The following NPY5R variants were observed in gnomAD, a reference collection of about 807,000 sequenced individuals.
The protein encoded by NPY5R is neuropeptide Y receptor type 5.
A neutral mutation model predicts 24.8 loss-of-function variants in NPY5R; 21 were observed. The ratio of observed to expected loss-of-function variants is 0.85; its 90% confidence interval spans 0.60 to 1.22. NPY5R has a LOEUF of 1.22. NPY5R is among the 50% of genes most tolerant of loss of function. The probability of loss-of-function intolerance (pLI) is 0.00; values close to 1 mark genes in which losing one functional copy is unlikely to be tolerated. For synonymous variants in NPY5R, 175 were observed against 183.0 expected, an observed-to-expected ratio of 0.96 and a Z score of 0.35; for missense variants, 481 against 521.3, an observed-to-expected ratio of 0.92 and a Z score of 0.75.
In NPY5R at chr4:163,344,011, C is replaced by A. The variant is rs904169165; in HGVS notation, c.-121+11C>A. ...CCGGGGCGCCCCGAGGTACGGGCTCCCGCCCCTCCCTGCCAACCCCTTTCG... is the reference window on the plus strand; with the variant it reads ...CCGGGGCGCCCCGAGGTACGGGCTCACGCCCCTCCCTGCCAACCCCTTTCG... On this transcript the variant is annotated intron_variant, in intron 1 of 3. Coordinates refer to ENST00000338566, the MANE Select transcript of NPY5R (RefSeq NM_006174.4). 1.3e-5 allele frequency: 2 copies of A among 152,650 alleles called. No individual in the cohort carries two copies. Among genetic ancestry groups the A allele is most frequent in the East Asian group, 2.0e-4 (1 of 5,120 alleles). 9.5% of individuals were successfully genotyped at this position (152,650 alleles called of 1,614,324 possible). A position where few individuals can be genotyped will look rare whatever the true frequency, so the allele number is the denominator to read the frequency against.
chr4:163,352,182 T>C (rs574275762), downstream of NPY5R, among the ~76,000 whole-genome samples: 372 of 152,258 alleles, frequency 2.4e-3, 2 homozygotes, highest in African/African-American at 8.5e-3. Context: ...TGTAGGAAAA[T>C]GCTATTGCCT....
In NPY5R at chr4:163,350,370, T is replaced by C. The variant is rs1336242896; in HGVS notation, c.97T>C (p.Tyr33His). ...TTCTGATTTCCCAGTCTGGGATGACTATAAAAGCAGTGTAGATGACTTACA... is the reference window on the plus strand; with the variant it reads ...TTCTGATTTCCCAGTCTGGGATGACCATAAAAGCAGTGTAGATGACTTACA... Reference protein sequence around the residue: ...RNSDFPVWDDYKSSVDDLQYF... With the variant: ...RNSDFPVWDDHKSSVDDLQYF... The change falls in exon 4 of 4, where the codon TAT (tyrosine) becomes CAT (histidine). Residue 33 changes from tyrosine (Y) to histidine (H), a missense_variant. Physicochemically the swap from Tyr to His is moderately conservative, Grantham distance 83. Transcript: ENST00000338566. 13 of 1,613,550 alleles carry C rather than the reference T, an allele frequency of 8.1e-6. No individual in the cohort carries two copies. Among genetic ancestry groups the C allele is most frequent in the Non-Finnish European group, 1.1e-5 (13 of 1,179,582 alleles).
Position 163,351,411 on chromosome 4 carries a change from A to G in NPY5R, c.1138A>G (p.Ser380Gly). The change falls in exon 4 of 4, where the codon AGT (serine) becomes GGT (glycine). Residue 380 changes from serine to glycine, a missense_variant. Coordinates refer to ENST00000338566, the MANE Select transcript of NPY5R (RefSeq NM_006174.4). ...LTILILVFAVSWMPLHLFHVV... is the reference protein window; with the variant it reads ...LTILILVFAVGWMPLHLFHVV... ...CATACTGATATTAGTATTTGCTGTT[A>G]GTTGGATGCCACTACACCTTTTCCA... The G allele has an allele frequency of 6.2e-7, 1 of 1,612,568 alleles. No individual in the cohort carries two copies. The highest frequency in any genetic ancestry group is 8.5e-7 in the Non-Finnish European group (1 of 1,178,748).
rs1735432540 is a variant in NPY5R at position 163,350,296 on chromosome 4, A to G, written c.23A>G (p.Tyr8Cys). 5 of 1,583,396 alleles carry G rather than the reference A, an allele frequency of 3.2e-6. No homozygotes were observed. The highest frequency in any genetic ancestry group is 8.6e-7 in the Non-Finnish European group (1 of 1,162,824). MDLELDEYYNKTLATENN... is the reference protein window; with the variant it reads MDLELDECYNKTLATENN... ...AATATGGATTTAGAGCTCGACGAGT[A>G]TTATAACAAGACACTTGCCACAGAG... is the stretch of plus-strand genomic sequence containing the variant. The change falls in exon 4 of 4, where the codon TAT becomes TGT. Residue 8 changes from tyrosine (Y) to cysteine (C), a missense_variant. Tyr to Cys is a radical substitution (Grantham distance 194, BLOSUM62 -2). Coordinates refer to ENST00000338566, the MANE Select transcript of NPY5R (RefSeq NM_006174.4).
intron 3 of NPY5R, among the ~76,000 whole-genome samples, chr4:163,348,908 C>A (rs914874386): frequency 6.6e-6 from 1 of 152,136 alleles, no homozygotes; most frequent in Non-Finnish European, 1.5e-5. Context: ...TTTCCTTGAA[C>A]AATGAATTCA....
At chr4:163,348,308 A>T (rs1278123562) in intron 3 of NPY5R, among the ~76,000 whole-genome samples, 1 of 152,164 alleles carries the variant, frequency 6.6e-6, no homozygotes, top group East Asian at 1.9e-4. Flanking sequence ...TGTTTTCTGT[A>T]GGAAATTCTT....
chr4:163,344,945 A>G (rs1326962925), intron 1 of NPY5R: 1 of 152,178 alleles, frequency 6.6e-6, no homozygotes, highest in Non-Finnish European at 1.5e-5. Context: ...TTATCTTTCC[A>G]ATTCAAATTG....
chr4:163,346,066 G>T (rs1449325233), intron 2 of NPY5R, among the ~76,000 whole-genome samples: 3 of 152,036 alleles, frequency 2.0e-5, no homozygotes, highest in Non-Finnish European at 4.4e-5. Flanking sequence ...ATGTGTGTAT[G>T]TTTATGTGGT....
chr4:163,345,977 C>T (rs4632602), intron 2 of NPY5R, among the ~76,000 whole-genome samples: 123,530 of 145,928 alleles, frequency 0.85, 52,359 homozygotes, highest in Admixed American at 0.91. Context: ...ATTATTTAGT[C>T]GTAAGAAGAA....
chr4:163,348,941 T>C (rs1361931020), intron 3 of NPY5R, among the ~76,000 whole-genome samples: 1 of 152,158 alleles, frequency 6.6e-6, no homozygotes, highest in Non-Finnish European at 1.5e-5. Flanking sequence ...TAAGCCAAAA[T>C]CTATACACAG....
chr4:163,349,243 T>C, intron 3 of NPY5R: 1 of 437,192 alleles, frequency 2.3e-6, no homozygotes, highest in Non-Finnish European at 3.0e-6. Flanking sequence ...TATTTGTTAC[T>C]AGAGTTTTGT....
In NPY5R at chr4:163,350,474, G is replaced by C; in HGVS notation, c.201G>C (p.Met67Ile). 2 of 1,614,006 alleles carry C rather than the reference G, an allele frequency of 1.2e-6. No individual in the cohort carries two copies. The highest frequency in any genetic ancestry group is 2.2e-5 in the South Asian group (2 of 91,068). ...MGNLLILMAL[M>I]KKRNQKTTVN... The stretch of plus-strand genomic sequence containing the variant: ...ATCTACTTATTTTAATGGCTCTCAT[G>C]AAAAAGCGTAATCAGAAGACTACGG... Residue 67 changes from methionine (M) to isoleucine (I), a missense_variant, in exon 4 of 4, where the codon ATG (methionine) becomes ATC (isoleucine). Coordinates refer to ENST00000338566, the MANE Select transcript of NPY5R (RefSeq NM_006174.4).
At chr4:163,352,262 A>G (rs1735522724), downstream of NPY5R, among the ~76,000 whole-genome samples, 1 of 152,196 alleles carries the variant, frequency 6.6e-6, no homozygotes, top group Admixed American at 6.5e-5. Flanking sequence ...TACCAAATAA[A>G]GAATTTTAAA....
chr4:163,348,118 GTGT>G (rs1735326197), intron 3 of NPY5R, among the ~76,000 whole-genome samples: 3 of 152,118 alleles, frequency 2.0e-5, no homozygotes, highest in Non-Finnish European at 1.5e-5. Flanking sequence ...AAAGATAACA[GTGT>G]TTACTATTAA....
At chr4:163,346,337 G>A (rs1735248875) in intron 2 of NPY5R, among the ~76,000 whole-genome samples, 1 of 152,072 alleles carries the variant, frequency 6.6e-6, no homozygotes, top group South Asian at 2.1e-4. Context: ...CCAATTTGGG[G>A]CCTTTTATAT....
chr4:163,347,418 G>A (rs1337868723), intron 2 of NPY5R, 34 bp from the exon 3 acceptor site: 2 of 152,220 alleles, frequency 1.3e-5, no homozygotes, highest in East Asian at 3.8e-4. Context: ...CGTTGTAGAA[G>A]GGGCCATCTA....
Position 163,350,246 on chromosome 4 carries a change from G to T in NPY5R, c.-9-19G>T. 1 of 1,509,308 alleles carries T rather than the reference G, an allele frequency of 6.6e-7. No homozygotes were observed. The allele number at this position is 1,509,308 out of a possible 1,614,324, so 93.5% of individuals were successfully genotyped here. ...AATGTTTTTTTGGTTGCTGACAAAT[G>T]TCTTTTTATTCCAAGCAGGACTATA... On this transcript the variant is annotated intron_variant, in intron 3 of 3. Coordinates refer to ENST00000338566, the MANE Select transcript of NPY5R (RefSeq NM_006174.4).
At chr4:163,346,411 T>C (rs138209008) in intron 2 of NPY5R, among the ~76,000 whole-genome samples, 3 of 152,298 alleles carry the variant, frequency 2.0e-5, no homozygotes, top group South Asian at 2.1e-4. Context: ...ATTCTTGGCA[T>C]AGCACCTTGC....
At position 163,345,910 on chromosome 4, in the gene NPY5R, C is replaced by T. The variant is rs36227920; in HGVS notation, c.-81+157C>T. On this transcript the variant is annotated intron_variant, in intron 2 of 3. Coordinates refer to ENST00000338566, the MANE Select transcript of NPY5R (RefSeq NM_006174.4). ...AGGAGGCACTTTTAAAAAAACTACA[C>T]GTCCACCACCACCCCTCCCCCACCC... Among the ~76,000 whole-genome samples the T allele has an allele frequency of 5.9e-3, 895 of 151,954 alleles. 12 individuals carry two copies. The highest frequency in any genetic ancestry group is 0.02 in the African/African-American group (841 of 41,354).
Sources: allele counts gnomAD v4.1 joint callset (sites outside exome capture counted in the v4.1 genomes callset), GRCh38; gene constraint gnomAD v4.1.1; transcripts MANE v1.5; gene names NCBI Gene and HGNC (gene_info 2026-07-23, HGNC 2026-07-21).